RANBP17: variants seen among roughly 807,000 people sequenced by gnomAD.
The protein encoded by RANBP17 is RAN binding protein 17.
Under a neutral mutation model 141.2 loss-of-function variants are expected in RANBP17, and 158 were observed. The observed-to-expected ratio is 1.12, with a 90% CI of 0.98 to 1.28. RANBP17 has a LOEUF of 1.28. RANBP17 is among the 50% of genes most tolerant of loss of function. The pLI is 0.00. For synonymous variants in RANBP17, 430 were observed against 450.0 expected (o/e 0.96, Z 0.56); for missense variants, 1,438 against 1,290.7 (o/e 1.11, Z -1.75).
At chr5:171,027,333 G>A (rs371734073) in intron 14 of RANBP17, among the ~76,000 whole-genome samples, 32 of 152,224 alleles carry the variant, frequency 2.1e-4, no homozygotes, top group African/African-American at 6.7e-4. Context: ...TGTCCTTTCA[G>A]CATTGGCAGA....
At position 170,918,735 on chromosome 5, in the gene RANBP17, AT is replaced by A; in HGVS notation, c.978del (p.His327MetfsTer10). The A allele has an allele frequency of 6.2e-7, 1 of 1,606,280 alleles. No homozygotes were observed. The highest frequency in any genetic ancestry group is 8.5e-7 in the Non-Finnish European group (1 of 1,176,194). On this transcript the variant is annotated frameshift_variant, in exon 10 of 28. Transcript: ENST00000523189. LOFTEE classifies it high-confidence loss of function. ...TAGGGTTTGTCTGATCCAGGTAATTATCATGAATTTTGTCGATTTTTGGCTC... is the reference window on the plus strand; with the variant it reads ...TAGGGTTTGTCTGATCCAGGTAATTACATGAATTTTGTCGATTTTTGGCTC... The part of the protein sequence containing the change: ...NPQGLSDPGN[Y>X]HEFCRFLARL...
At chr5:171,293,783 T>G (rs1768652076) in intron 25 of RANBP17, 100 bp from the exon 26 acceptor site, 1 of 857,226 alleles carries the variant, frequency 1.2e-6, no homozygotes, top group African/African-American at 1.7e-5. Flanking sequence ...TCATAGCTGT[T>G]AGCAAGATGG....
At chr5:171,018,270 A>C (rs934268391) in intron 14 of RANBP17, among the ~76,000 whole-genome samples, 1 of 152,114 alleles carries the variant, frequency 6.6e-6, no homozygotes, top group Admixed American at 6.5e-5. Flanking sequence ...AATTTAAAGT[A>C]GTTTTTTTTC....
chr5:171,251,765 G>T, intron 24 of RANBP17: 1 of 943,408 alleles, frequency 1.1e-6, no homozygotes, highest in Admixed American at 1.9e-5. Context: ...CCCTCCTCCC[G>T]CGCCCGCCCC....
intron 14 of RANBP17, among the ~76,000 whole-genome samples, chr5:170,976,556 A>G (rs2127542605): frequency 6.6e-6 from 1 of 152,284 alleles, no homozygotes; most frequent in Non-Finnish European, 1.5e-5. Context: ...CAAAGTTGGA[A>G]TACTCACACT....
intron 1 of RANBP17, among the ~76,000 whole-genome samples, chr5:170,868,036 G>A (rs565716958): frequency 7.2e-5 from 11 of 152,256 alleles, no homozygotes; most frequent in African/African-American, 1.4e-4. Flanking sequence ...CTATCAACAC[G>A]TGTGGCTTTT....
At chr5:171,064,018 G>A (rs943496651) in intron 14 of RANBP17, among the ~76,000 whole-genome samples, 1 of 152,252 alleles carries the variant, frequency 6.6e-6, no homozygotes, top group East Asian at 1.9e-4. Context: ...CATCGGAAAA[G>A]CGCAGTATTA....
At chr5:171,242,337 G>A (rs1278664657) in intron 23 of RANBP17, among the ~76,000 whole-genome samples, 1 of 152,008 alleles carries the variant, frequency 6.6e-6, no homozygotes, top group Non-Finnish European at 1.5e-5. Context: ...ATGTCTTTGT[G>A]TTTAAAAAAC....
intron 18 of RANBP17, among the ~76,000 whole-genome samples, chr5:171,195,701 G>A (rs1383202150): frequency 6.6e-6 from 1 of 152,176 alleles, no homozygotes; most frequent in African/African-American, 2.4e-5. Context: ...ACCTGGAAAA[G>A]CATGAGCTTG....
chr5:170,929,616 T>G (rs1486332070), intron 12 of RANBP17, among the ~76,000 whole-genome samples: 1 of 152,176 alleles, frequency 6.6e-6, no homozygotes, highest in Admixed American at 6.5e-5. Flanking sequence ...AAATTCAATT[T>G]GCAACACTTT....
intron 14 of RANBP17, among the ~76,000 whole-genome samples, chr5:171,007,251 G>A (rs970364448): frequency 1.3e-5 from 2 of 152,148 alleles, no homozygotes; most frequent in Non-Finnish European, 2.9e-5. Context: ...AGAGAAAAAG[G>A]CACACGTACC....
intron 18 of RANBP17, among the ~76,000 whole-genome samples, chr5:171,193,181 CCTA>C (rs1480725595): frequency 8.5e-5 from 13 of 152,162 alleles, no homozygotes; most frequent in African/African-American, 2.9e-4. Flanking sequence ...CTTCATTACA[CCTA>C]CTTTCTTGCA....
intron 14 of RANBP17, among the ~76,000 whole-genome samples, chr5:171,031,246 T>C (rs1263271688): frequency 6.6e-6 from 1 of 151,986 alleles, no homozygotes; most frequent in Non-Finnish European, 1.5e-5. Flanking sequence ...AGACATGTGG[T>C]GTGTGTATTA....
intron 25 of RANBP17, chr5:171,284,679 G>C (rs1768052814): frequency 6.6e-6 from 1 of 152,048 alleles, no homozygotes; most frequent in Non-Finnish European, 1.5e-5. Flanking sequence ...TGTTTCTAAG[G>C]TTATGCTTCT....
chr5:171,072,469 A>G (rs1378153204), intron 14 of RANBP17, among the ~76,000 whole-genome samples: 4 of 152,116 alleles, frequency 2.6e-5, no homozygotes, highest in Admixed American at 2.6e-4. Context: ...AAAAAGACAA[A>G]AGATCTGAAT....
At chr5:171,069,391 C>A (rs867442211) in intron 14 of RANBP17, among the ~76,000 whole-genome samples, 1 of 152,164 alleles carries the variant, frequency 6.6e-6, no homozygotes, top group Non-Finnish European at 1.5e-5. Context: ...CAAGCAGTCA[C>A]CTGGATGCCA....
intron 24 of RANBP17, among the ~76,000 whole-genome samples, chr5:171,257,316 C>T (rs1349856919): frequency 6.6e-6 from 1 of 152,176 alleles, no homozygotes; most frequent in Non-Finnish European, 1.5e-5. Flanking sequence ...AAACCCATAT[C>T]GTCATCTGAA....
In RANBP17 at chr5:171,037,143, T is replaced by C. The variant is rs368857852; in HGVS notation, c.1710+68766T>C. 1.3e-5 allele frequency among the ~76,000 whole-genome samples: 2 copies of C among 152,172 alleles called. 1 individual carries two copies. Among genetic ancestry groups the C allele is most frequent in the African/African-American group, 4.8e-5 (2 of 41,444 alleles). On this transcript the variant is annotated intron_variant, in intron 14 of 27. Transcript: ENST00000523189. ...TTTGACTTTTTAATAATAGCCATCCTGACTGGTATGCAATGGTATCTTACT... is the reference window on the plus strand; with the variant it reads ...TTTGACTTTTTAATAATAGCCATCCCGACTGGTATGCAATGGTATCTTACT...
At chr5:171,148,615 T>TATAG (rs797016263) in intron 14 of RANBP17, among the ~76,000 whole-genome samples, 20 of 147,850 alleles carry the variant, frequency 1.4e-4, no homozygotes, top group South Asian at 1.3e-3. Context: ...TATATATATA[T>TATAG]AGAGAGAGAG....
Sources: allele counts gnomAD v4.1 joint callset (sites outside exome capture counted in the v4.1 genomes callset), GRCh38; gene constraint gnomAD v4.1.1; transcripts MANE v1.5; gene names NCBI Gene and HGNC (gene_info 2026-07-23, HGNC 2026-07-21).